The following ARID4B variants were observed in gnomAD, a reference collection of about 807,000 sequenced individuals.
The protein encoded by ARID4B is AT-rich interaction domain 4B, also known as AT-rich interactive domain-containing protein 4B.
ARID4B carries 26 observed loss-of-function variants against 147.5 expected under a neutral mutation model. That is an observed-to-expected ratio of 0.18 (90% CI 0.13 to 0.24). ARID4B has a LOEUF of 0.24. Among genes scored for constraint, ARID4B ranks in the 10% least tolerant of loss-of-function variants. The probability of loss-of-function intolerance (pLI) is 1.00; values close to 1 mark genes in which losing one functional copy is unlikely to be tolerated. For synonymous variants in ARID4B, 512 were observed against 507.9 expected, an observed-to-expected ratio of 1.01 and a Z score of -0.11; for missense variants, 1,179 against 1,511.5, an observed-to-expected ratio of 0.78 and a Z score of 3.65.
intron 11 of ARID4B, 28 bp from the exon 12 acceptor site, chr1:235,224,803 T>A: frequency 7.0e-7 from 1 of 1,421,818 alleles, no homozygotes; most frequent in Middle Eastern, 1.8e-4. Flanking sequence ...AGAATATTAT[T>A]TTCTTCAATT....
At chr1:235,249,736 T>G (rs1669524780) in intron 6 of ARID4B, among the ~76,000 whole-genome samples, 1 of 149,556 alleles carries the variant, frequency 6.7e-6, no homozygotes, top group Admixed American at 6.6e-5. Flanking sequence ...GGTCAAGAGA[T>G]CGAGGTCAGC....
intron 19 of ARID4B, among the ~76,000 whole-genome samples, chr1:235,184,033 C>G (rs1664505716): frequency 6.6e-6 from 1 of 152,118 alleles, no homozygotes; most frequent in South Asian, 2.1e-4. Flanking sequence ...CCTACCTCAG[C>G]CTTCCAAAGT....
At chr1:235,194,535 A>G (rs528299583) in intron 18 of ARID4B, among the ~76,000 whole-genome samples, 3 of 152,234 alleles carry the variant, frequency 2.0e-5, no homozygotes, top group African/African-American at 7.2e-5. Context: ...TAACTAAAAA[A>G]AGAGGCCAGG....
chr1:235,233,291 T>C (rs991135523), intron 9 of ARID4B, among the ~76,000 whole-genome samples: 2 of 151,776 alleles, frequency 1.3e-5, no homozygotes, highest in Admixed American at 6.6e-5. Flanking sequence ...CTACAAAAAA[T>C]ACAAAAATAG....
At chr1:235,316,759 C>G (rs567849498) in intron 2 of ARID4B, among the ~76,000 whole-genome samples, 1 of 152,108 alleles carries the variant, frequency 6.6e-6, no homozygotes, top group South Asian at 2.1e-4. Flanking sequence ...CCGAGTGTTG[C>G]AGTGAGCTGA....
At chr1:235,299,090 A>C (rs1360401648) in intron 2 of ARID4B, among the ~76,000 whole-genome samples, 1 of 152,156 alleles carries the variant, frequency 6.6e-6, no homozygotes, top group Non-Finnish European at 1.5e-5. Flanking sequence ...GCCACGTCAA[A>C]AAAAAAGCAG....
chr1:235,283,884 G>A (rs187481989), intron 2 of ARID4B, among the ~76,000 whole-genome samples: 21 of 151,936 alleles, frequency 1.4e-4, no homozygotes, highest in Admixed American at 1.0e-3. Context: ...ACAGACATGC[G>A]CCACCACACC....
intron 7 of ARID4B, among the ~76,000 whole-genome samples, chr1:235,243,761 T>C (rs1193114969): frequency 1.3e-5 from 2 of 152,176 alleles, no homozygotes; most frequent in Non-Finnish European, 2.9e-5. Flanking sequence ...GTTTCAAACT[T>C]TGTAAATTGA....
At chr1:235,207,073 TA>T (rs1401604689) in intron 17 of ARID4B, among the ~76,000 whole-genome samples, 5 of 152,190 alleles carry the variant, frequency 3.3e-5, no homozygotes, top group African/African-American at 1.2e-4. Flanking sequence ...TATCTATGGC[TA>T]AAGATGAAAA....
intron 10 of ARID4B, among the ~76,000 whole-genome samples, chr1:235,229,791 C>T (rs1410806857): frequency 6.6e-6 from 1 of 152,140 alleles, no homozygotes; most frequent in African/African-American, 2.4e-5. Context: ...ATATACAATA[C>T]CTGAAAACTG....
intron 2 of ARID4B, among the ~76,000 whole-genome samples, chr1:235,292,487 A>AT (rs932563971): frequency 2.6e-5 from 4 of 152,194 alleles, no homozygotes; most frequent in African/African-American, 9.6e-5. Context: ...GTGGTGGCTC[A>AT]TGCCTGTAAT....
At chr1:235,169,636 C>T (rs1186864102) in intron 23 of ARID4B, among the ~76,000 whole-genome samples, 4 of 151,590 alleles carry the variant, frequency 2.6e-5, no homozygotes, top group African/African-American at 9.7e-5. Flanking sequence ...TCCAGGTTCA[C>T]GCCATTCTCC....
intron 2 of ARID4B, among the ~76,000 whole-genome samples, chr1:235,310,189 A>T (rs1673945993): frequency 6.6e-6 from 1 of 152,238 alleles, no homozygotes; most frequent in African/African-American, 2.4e-5. Flanking sequence ...AAAAATAAAA[A>T]AAAAGAAACA....
At chr1:235,305,433 T>C (rs1673475390) in intron 2 of ARID4B, among the ~76,000 whole-genome samples, 1 of 152,164 alleles carries the variant, frequency 6.6e-6, no homozygotes, top group Non-Finnish European at 1.5e-5. Flanking sequence ...CTAAATGTTC[T>C]GTGTACTAAG....
chr1:235,237,922 G>A (rs920594103), intron 8 of ARID4B, among the ~76,000 whole-genome samples: 20 of 152,046 alleles, frequency 1.3e-4, no homozygotes, highest in African/African-American at 4.6e-4. Context: ...AGGCTGAGGC[G>A]GGCAGATCAC....
intron 2 of ARID4B, among the ~76,000 whole-genome samples, chr1:235,271,986 C>T (rs1277221960): frequency 1.7e-5 from 2 of 117,112 alleles, no homozygotes; most frequent in East Asian, 4.2e-4. Flanking sequence ...ATAATAATCC[C>T]CACCAACCAA....
In ARID4B at chr1:235,252,901, TCTA is replaced by T. The variant is rs1418080434; in HGVS notation, c.275-95_275-93del. The T allele has an allele frequency of 4.2e-6, 4 of 961,194 alleles. No homozygotes were observed. The Admixed American group carries it at 9.9e-5, about 24-fold the overall frequency. 59.5% of individuals were successfully genotyped at this position (961,194 alleles called of 1,614,324 possible). ...TTACAATTTTCTGAGTGCAAACAGA[TCTA>T]CTATTTAAGACTACATTTGGAATTC... On this transcript the variant is annotated intron_variant, in intron 5 of 23. Transcript: ENST00000264183.
intron 17 of ARID4B, among the ~76,000 whole-genome samples, chr1:235,205,724 G>A (rs184637640): frequency 5.5e-4 from 84 of 152,184 alleles, no homozygotes; most frequent in East Asian, 2.9e-3. Flanking sequence ...TTGAAGGGAC[G>A]TTCCTCTAAA....
intron 17 of ARID4B, among the ~76,000 whole-genome samples, chr1:235,200,891 C>T (rs1192176767): frequency 6.6e-6 from 1 of 152,102 alleles, no homozygotes; most frequent in Non-Finnish European, 1.5e-5. Context: ...TGCCTGTAAT[C>T]CTAGCACTTT....
Sources: gnomAD v4.1 joint callset for allele counts (sites outside exome capture counted in the v4.1 genomes callset) on GRCh38, gnomAD v4.1.1 for gene constraint, MANE v1.5 for transcripts, NCBI Gene and HGNC (gene_info 2026-07-23, HGNC 2026-07-21) for gene names.